Variants in PRG4 observed in about 807,000 individuals in gnomAD.
PRG4 encodes articular superficial zone protein.
PRG4 carries 61 observed loss-of-function variants against 91.2 expected under a neutral mutation model. The observed-to-expected ratio is 0.67, with a 90% CI of 0.54 to 0.83. The LOEUF (loss-of-function observed/expected upper bound fraction) is 0.83. PRG4 is among the 40% of genes least tolerant of loss of function. PRG4 has a pLI of 0.00. For synonymous variants in PRG4, 576 were observed against 614.2 expected (o/e 0.94, Z 0.92); for missense variants, 1,564 against 1,714.2 (o/e 0.91, Z 1.55).
intron 1 of PRG4, 98 bp from the exon 2 acceptor site, chr1:186,296,748 T>C: frequency 1.5e-6 from 1 of 688,026 alleles, no homozygotes; most frequent in Non-Finnish European, 2.6e-6. Context: ...GGTTTTATTA[T>C]TGTTACATTT....
At chr1:186,303,257 G>A (rs1382135308) in intron 4 of PRG4, among the ~76,000 whole-genome samples, 1 of 152,134 alleles carries the variant, frequency 6.6e-6, no homozygotes, top group African/African-American at 2.4e-5. Context: ...TGGCAGATCT[G>A]TTTCTCAAAT....
rs1657191102 is a variant in PRG4, at chr1:186,311,156, ACTTT to A, written c.3626_3629del (p.Phe1209SerfsTer14). On this transcript the variant is annotated frameshift_variant, in exon 9 of 13. Transcript: ENST00000445192. LOFTEE classifies it high-confidence loss of function. ...TACTAGGTGCAACTGTGAAGGAAAA[ACTTT>A]CTTCTTTAAGGTAACACAAATATCT... The A allele has an allele frequency of 6.2e-7, 1 of 1,612,184 alleles. No homozygotes were observed. The highest frequency in any genetic ancestry group is 1.3e-5 in the African/African-American group (1 of 74,832).
In PRG4 at chr1:186,311,035, T is replaced by A; in HGVS notation, c.3501T>A (p.Gly1167=). The A allele has an allele frequency of 6.2e-7, 1 of 1,614,038 alleles. No homozygotes were observed. Among genetic ancestry groups the A allele is most frequent in the Non-Finnish European group, 8.5e-7 (1 of 1,179,966 alleles). Reference sequence around the variant, plus strand: ...CTGATGTCTTTCCTTAAATTTTAGGTCATTATTTCTGGATGCTAAGTCCAT... The same window carrying A: ...CTGATGTCTTTCCTTAAATTTTAGGACATTATTTCTGGATGCTAAGTCCAT... The part of the protein sequence containing the change: ...LRNGTLVAFR[G]HYFWMLSPFS... Residue 1167 remains glycine (G), a splice_region_variant and synonymous_variant, in exon 9 of 13, where the codon GGT becomes GGA. Coordinates refer to ENST00000445192, the MANE Select transcript of PRG4 (RefSeq NM_005807.6).
chr1:186,300,368 C>G (rs1350591792), intron 3 of PRG4, among the ~76,000 whole-genome samples, 155 bp downstream of exon 3: 2 of 152,202 alleles, frequency 1.3e-5, no homozygotes, highest in Non-Finnish European at 2.9e-5. Flanking sequence ...GCTTAAGTGA[C>G]TTTCCTTCAC....
chr1:186,307,301 AAGTCTGCACCCACCACTACCAAGG>A lies in PRG4; in HGVS notation c.1585_1608del (p.Ser529_Glu536del), dbSNP rs751386166. ...CAAGGAGCCTGCACCCACCACCACC[AAGTCTGCACCCACCACTACCAAGG>A]AGCCTGCACCCACCACTACCAAGTC... On this transcript the variant is annotated inframe_deletion, in exon 7 of 13. Coordinates refer to ENST00000445192, the MANE Select transcript of PRG4 (RefSeq NM_005807.6). 7.9e-6 allele frequency: 12 copies of A among 1,518,960 alleles called. No individual in the cohort carries two copies. The allele number at this position is 1,518,960 out of a possible 1,614,324, so 94.1% of individuals were successfully genotyped here. A position where few individuals can be genotyped will look rare whatever the true frequency, so the allele number is the denominator to read the frequency against.
chr1:186,313,526 GTTTTTC>G (rs1657438847), intron 12 of PRG4, 149 bp from the exon 13 acceptor site: 1 of 579,742 alleles, frequency 1.7e-6, no homozygotes, highest in East Asian at 2.9e-5. Context: ...CTAGGCAATT[GTTTTTC>G]TTTTTGTTAT....
chr1:186,303,992 T>C, intron 4 of PRG4, 116 bp from the exon 5 acceptor site: 1 of 1,093,714 alleles, frequency 9.1e-7, no homozygotes, highest in African/African-American at 1.5e-5. Flanking sequence ...GGAGCCTGCC[T>C]GCACTGGCTG....
chr1:186,308,758 T>G lies in PRG4; in HGVS notation c.3039T>G (p.Asn1013Lys). The G allele has an allele frequency of 6.2e-7, 1 of 1,613,454 alleles. No individual in the cohort carries two copies. ...ETAKPKDRAT[N>K]SKATTPKPQK... is the part of the protein sequence containing the mutation. ...CTAAACCAAAAGACAGAGCTACTAA[T>G]TCTAAAGCGACAACTCCTAAACCTC... The change falls in exon 7 of 13, where the codon AAT becomes AAG. Residue 1013 changes from asparagine to lysine, a missense_variant. Asn to Lys is a moderately conservative substitution (Grantham distance 94). Coordinates refer to ENST00000445192, the MANE Select transcript of PRG4 (RefSeq NM_005807.6).
Position 186,307,833 on chromosome 1 carries a change from C to T in PRG4, c.2114C>T (p.Ala705Val). 2 of 1,612,068 alleles carry T rather than the reference C, an allele frequency of 1.2e-6. No homozygotes were observed. Among genetic ancestry groups the T allele is most frequent in the Non-Finnish European group, 1.7e-6 (2 of 1,179,500 alleles). Residue 705 changes from alanine (A) to valine (V), a missense_variant, in exon 7 of 13, where the codon GCT (alanine) becomes GTT (valine). Transcript: ENST00000445192. ...GCTCCAACTACCCCTAAGGAGACTG[C>T]TCCAACTACCCCTAAAGGGACTGCT... is the stretch of plus-strand genomic sequence containing the variant. Reference protein sequence around the residue: ...EPAPTTPKETAPTTPKGTAPT... With the variant: ...EPAPTTPKETVPTTPKGTAPT...
intron 1 of PRG4, among the ~76,000 whole-genome samples, chr1:186,296,512 T>A (rs932346375): frequency 6.6e-6 from 1 of 152,252 alleles, no homozygotes; most frequent in African/African-American, 2.4e-5. Flanking sequence ...ACACAGGTTA[T>A]TATTTTCCTT....
chr1:186,300,328 G>C (rs1332601386), intron 3 of PRG4, 115 bp downstream of exon 3: 35 of 1,389,488 alleles, frequency 2.5e-5, no homozygotes. Flanking sequence ...CCCACTTGCA[G>C]TGCTGTTTTC....
intron 3 of PRG4, 114 bp downstream of exon 3, chr1:186,300,327 A>G (rs1557926360): frequency 9.3e-6 from 13 of 1,395,530 alleles, no homozygotes; most frequent in Non-Finnish European, 1.2e-5. Context: ...ACCCACTTGC[A>G]GTGCTGTTTT....
At chr1:186,311,291 AATC>A (rs1240731354) in intron 9 of PRG4, 121 bp downstream of exon 9, 4 of 1,422,336 alleles carry the variant, frequency 2.8e-6, no homozygotes, top group African/African-American at 2.8e-5. Flanking sequence ...ATCAAAATTT[AATC>A]ATAATTCAAC....
chr1:186,308,730 C>T lies in PRG4; in HGVS notation c.3011C>T (p.Thr1004Ile). 6.2e-7 allele frequency: 1 copy of T among 1,613,752 alleles called. No homozygotes were observed. The highest frequency in any genetic ancestry group is 1.1e-5 in the South Asian group (1 of 91,044). The change falls in exon 7 of 13, where the codon ACA becomes ATA. Residue 1004 changes from threonine to isoleucine, a missense_variant. Around this residue, in one of 3 missense-constraint regions of PRG4, gnomAD observed 1,079 missense variants for 1,162.2 expected, o/e 0.93. Coordinates refer to ENST00000445192, the MANE Select transcript of PRG4 (RefSeq NM_005807.6). ...TTEIMNKPEETAKPKDRATNS... is the reference protein window; with the variant it reads ...TTEIMNKPEEIAKPKDRATNS... ...GAGATTATGAACAAACCTGAAGAAA[C>T]AGCTAAACCAAAAGACAGAGCTACT...
chr1:186,300,905 G>A (rs1053030221), intron 3 of PRG4, among the ~76,000 whole-genome samples: 1 of 152,192 alleles, frequency 6.6e-6, no homozygotes, highest in Non-Finnish European at 1.5e-5. Flanking sequence ...TGAATGTGAA[G>A]TTGAGGAATA....
At chr1:186,311,401 C>A (rs753859592) in intron 9 of PRG4, 39 bp from the exon 10 acceptor site, 1 of 1,595,800 alleles carries the variant, frequency 6.3e-7, no homozygotes, top group Non-Finnish European at 8.6e-7. Context: ...ATCTTTTTTC[C>A]CAAAGCTGAT....
intron 2 of PRG4, among the ~76,000 whole-genome samples, chr1:186,298,486 T>G (rs1170288974): frequency 8.0e-5 from 12 of 150,000 alleles, no homozygotes; most frequent in Admixed American, 7.9e-4. Flanking sequence ...TAAGGATGAT[T>G]TCCTCTTTTT....
At chr1:186,299,544 TA>T (rs1656066734) in intron 2 of PRG4, among the ~76,000 whole-genome samples, 1 of 152,218 alleles carries the variant, frequency 6.6e-6, no homozygotes, top group South Asian at 2.1e-4. Context: ...ATTATAAGGG[TA>T]AAAGAGTTCA....
chr1:186,313,729 C>T lies in PRG4; in HGVS notation c.4166C>T (p.Thr1389Ile). The T allele has an allele frequency of 6.2e-7, 1 of 1,610,524 alleles. No individual in the cohort carries two copies. The highest frequency in any genetic ancestry group is 8.5e-7 in the Non-Finnish European group (1 of 1,176,888). The change falls in exon 13 of 13, where the codon ACT becomes ATT. Residue 1389 changes from threonine (T) to isoleucine (I), a missense_variant. Physicochemically the swap from Thr to Ile is moderately conservative, Grantham distance 89. Around this residue, in one of 3 missense-constraint regions of PRG4, gnomAD observed 1,079 missense variants for 1,162.2 expected, o/e 0.93. Coordinates refer to ENST00000445192, the MANE Select transcript of PRG4 (RefSeq NM_005807.6). ...DVPSRTARAITTRSGQTLSKV... is the reference protein window; with the variant it reads ...DVPSRTARAIITRSGQTLSKV... ...CCTAGTAGAACAGCAAGAGCAATTA[C>T]TACTCGTTCTGGGCAGACCTTATCC...
Sources: allele counts gnomAD v4.1 joint callset (sites outside exome capture counted in the v4.1 genomes callset), GRCh38; gene constraint gnomAD v4.1.1; regional missense constraint gnomAD v4.1.1; transcripts MANE v1.5; gene names NCBI Gene and HGNC (gene_info 2026-07-23, HGNC 2026-07-21).